The following OFD1 variants were observed in gnomAD, a reference collection of about 807,000 sequenced individuals.
OFD1 encodes OFD1 centriole and centriolar satellite protein.
A neutral mutation model predicts 81.4 loss-of-function variants in OFD1; 12 were observed. That is an observed-to-expected ratio of 0.15 (90% CI 0.09 to 0.24). The LOEUF (loss-of-function observed/expected upper bound fraction) is 0.24. Among genes scored for constraint, OFD1 ranks in the 10% least tolerant of loss-of-function variants. The pLI is 1.00. For missense variants in OFD1, 685 were observed against 733.9 expected (o/e 0.93, Z 0.77); for synonymous variants, 256 against 263.7 (o/e 0.97, Z 0.28).
the OFD1 span, chrX:13,721,092 A>G: frequency 9.0e-6 from 1 of 111,115 alleles, no homozygotes; most frequent in Non-Finnish European, 1.9e-5. Flanking sequence ...GAAAAATATA[A>G]GTGATTCCAT....
the OFD1 span, among the ~76,000 whole-genome samples, chrX:13,717,057 A>C: frequency 6.6e-5 from 7 of 105,692 alleles, no homozygotes; most frequent in East Asian, 1.2e-3. Flanking sequence ...AAAAAAAAAA[A>C]AAAAAAACAA....
the OFD1 span, chrX:13,715,798 A>C: frequency 1.1e-6 from 1 of 940,618 alleles, no homozygotes; most frequent in Non-Finnish European, 1.3e-6. Flanking sequence ...TCTAAAGGTA[A>C]CTACCATGAA....
rs745933030 is a variant in OFD1 at position 13,746,372 on chromosome X, A to G, written c.571A>G (p.Ile191Val). ...GTTTGCAGATGCTTACCCTCAGCGTATCAAGTTCGAATCTTTAGAAATAAA... is the reference window on the plus strand; with the variant it reads ...GTTTGCAGATGCTTACCCTCAGCGTGTCAAGTTCGAATCTTTAGAAATAAA... ...DQFADAYPQR[I>V]KFESLEIKLN... The change falls in exon 7 of 23, where the codon ATC becomes GTC. Residue 191 changes from isoleucine (I) to valine (V), a missense_variant. By Grantham distance (29) the Ile-to-Val change is conservative. Transcript: ENST00000340096. The G allele has an allele frequency of 1.0e-5, 12 of 1,202,615 alleles. No homozygotes were observed. The highest frequency in any genetic ancestry group is 1.3e-5 in the Non-Finnish European group (12 of 888,906).
At chrX:13,735,208 C>T (rs1301983295) in intron 1 of OFD1, 40 bp from the exon 2 acceptor site, 5 of 1,196,593 alleles carry the variant, frequency 4.2e-6, no homozygotes, top group Non-Finnish European at 5.7e-6. Context: ...TTCACGTTCC[C>T]TCTGCCCCGC....
chrX:13,756,526 G>A (rs2047718811), intron 12 of OFD1, 52 bp from the exon 13 acceptor site: 1 of 1,012,398 alleles, frequency 9.9e-7, no homozygotes, highest in African/African-American at 1.9e-5. Flanking sequence ...TTTTACTTTT[G>A]CAGTACTGTA....
downstream of OFD1, chrX:13,773,662 C>T (rs2048345411): frequency 9.0e-6 from 1 of 111,582 alleles, no homozygotes; most frequent in Non-Finnish European, 1.9e-5. Flanking sequence ...CAGTATCATT[C>T]TTTACACTTG....
At chrX:13,746,511 G>A (rs2047304705) in intron 7 of OFD1, 56 bp downstream of exon 7, 8 of 1,144,578 alleles carry the variant, frequency 7.0e-6, no homozygotes, top group Non-Finnish European at 9.6e-6. Context: ...GTCTTCTAAA[G>A]TCTTAACCAT....
chrX:13,751,470 G>T, intron 10 of OFD1, 102 bp downstream of exon 10: 10 of 558,582 alleles, frequency 1.8e-5, no homozygotes, highest in African/African-American at 2.7e-5. Context: ...AAACTTTAGT[G>T]TTTGAAAAAA....
the OFD1 span, among the ~76,000 whole-genome samples, chrX:13,722,803 C>T: frequency 0.014 from 1,604 of 111,633 alleles, 29 homozygotes; most frequent in African/African-American, 0.049. Flanking sequence ...GTGGCTCACG[C>T]CTGTAATCCC....
chrX:13,766,170 G>A (rs764811301), intron 19 of OFD1, among the ~76,000 whole-genome samples: 2 of 112,408 alleles, frequency 1.8e-5, no homozygotes, highest in Non-Finnish European at 3.8e-5. Context: ...CTACCATGGC[G>A]TAGGACTCTT....
At chrX:13,729,580 C>A in the OFD1 span, among the ~76,000 whole-genome samples, 2 of 112,062 alleles carry the variant, frequency 1.8e-5, no homozygotes, top group Non-Finnish European at 3.8e-5. Flanking sequence ...CTTCCTTACA[C>A]CTTATACAAA....
At chrX:13,756,031 A>G (rs1017876857) in intron 12 of OFD1, among the ~76,000 whole-genome samples, 3 of 98,120 alleles carry the variant, frequency 3.1e-5, no homozygotes, top group African/African-American at 1.2e-4. Context: ...GCTCACTGCA[A>G]CCAACCTCCA....
At position 13,769,115 on chromosome X, in the gene OFD1, T is replaced by G; in HGVS notation, c.*7T>G. The G allele has an allele frequency of 2.5e-6, 3 of 1,181,976 alleles. No individual in the cohort carries two copies. Among genetic ancestry groups the G allele is most frequent in the Non-Finnish European group, 3.5e-6 (3 of 868,080 alleles). On this transcript the variant is annotated 3_prime_UTR_variant, in exon 23 of 23. Coordinates refer to ENST00000340096, the MANE Select transcript of OFD1 (RefSeq NM_003611.3). ...ACTAGACGACTCTTGGTAACCATGT[T>G]TGCTGCCCAGCTTCTAACTTACATA... is the stretch of plus-strand genomic sequence containing the variant.
the OFD1 span, among the ~76,000 whole-genome samples, chrX:13,726,945 G>A: frequency 9.0e-6 from 1 of 111,656 alleles, no homozygotes; most frequent in South Asian, 3.8e-4. Flanking sequence ...CAAAAAAGCA[G>A]GGGTTGCAAT....
chrX:13,751,211 G>A (rs1394704542), intron 9 of OFD1, 38 bp from the exon 10 acceptor site: 1 of 1,184,270 alleles, frequency 8.4e-7, no homozygotes, highest in Non-Finnish European at 1.1e-6. Context: ...GCTCAGCTAT[G>A]GTAGTTTATT....
intron 3 of OFD1, among the ~76,000 whole-genome samples, chrX:13,737,252 G>GTTT (rs373562457): frequency 2.0e-4 from 20 of 98,800 alleles, no homozygotes; most frequent in African/African-American, 6.9e-4. Context: ...AAAAACACTT[G>GTTT]TTTTTTTTTT....
At chrX:13,741,640 G>A (rs780621134) in intron 5 of OFD1, among the ~76,000 whole-genome samples, 2 of 112,208 alleles carry the variant, frequency 1.8e-5, no homozygotes, top group Non-Finnish European at 3.8e-5. Context: ...TATTCACTTG[G>A]GTGCAAGTGG....
At chrX:13,752,556 C>T (rs1336778711) in intron 10 of OFD1, 12 of 342,770 alleles carry the variant, frequency 3.5e-5, no homozygotes, top group Non-Finnish European at 3.9e-5. Flanking sequence ...TGTATTTTAC[C>T]CACATCTTCT....
intron 8 of OFD1, among the ~76,000 whole-genome samples, chrX:13,747,242 C>G (rs970382388): frequency 3.6e-5 from 4 of 111,863 alleles, no homozygotes; most frequent in African/African-American, 1.3e-4. Context: ...AGGGTTAGAT[C>G]TTGGGTTTTA....
Sources: allele counts gnomAD v4.1 joint callset (sites outside exome capture counted in the v4.1 genomes callset), GRCh38; gene constraint gnomAD v4.1.1; transcripts MANE v1.5; gene names NCBI Gene and HGNC (gene_info 2026-07-23, HGNC 2026-07-21).